The following ELP3 variants were observed in gnomAD, a reference collection of about 807,000 sequenced individuals.
ELP3 encodes elongator complex protein 3.
ELP3 carries 56 observed loss-of-function variants against 74.9 expected under a neutral mutation model. That is an observed-to-expected ratio of 0.75 (90% CI 0.60 to 0.93). ELP3 has a LOEUF of 0.93. Ranked by LOEUF, ELP3 falls within the 40% of genes least tolerant of loss-of-function variation. The pLI is 0.00. For missense variants in ELP3, 573 were observed against 686.5 expected (o/e 0.83, Z 1.85); for synonymous variants, 222 against 239.8 (o/e 0.93, Z 0.68).
At chr8:28,104,725 C>G (rs1452956121) in intron 3 of ELP3, among the ~76,000 whole-genome samples, 2 of 152,212 alleles carry the variant, frequency 1.3e-5, no homozygotes, top group Non-Finnish European at 2.9e-5. Flanking sequence ...CATCTCCCAT[C>G]CAGTGGTGCG....
upstream of ELP3, chr8:28,090,516 T>TGTGTGC (rs71222534): frequency 5.3e-6 from 1 of 190,096 alleles, no homozygotes; most frequent in East Asian, 1.5e-4. Context: ...TGTGTGTGTG[T>TGTGTGC]ATACACATAT....
chr8:28,099,272 T>G (rs1400644265), intron 2 of ELP3, among the ~76,000 whole-genome samples: 1 of 148,908 alleles, frequency 6.7e-6, no homozygotes, highest in Non-Finnish European at 1.5e-5. Flanking sequence ...CCATCCTTGA[T>G]TTTTTTTTTA....
At chr8:28,129,730 C>T in intron 8 of ELP3, 67 bp downstream of exon 8, 2 of 1,577,798 alleles carry the variant, frequency 1.3e-6, no homozygotes, top group South Asian at 1.1e-5. Context: ...TACATTCATA[C>T]CCAGCCTTTC....
Position 28,118,213 on chromosome 8 carries a change from A to G in ELP3, c.617+5040A>G, listed in dbSNP as rs545851035. Among the ~76,000 whole-genome samples the G allele has an allele frequency of 3.3e-5, 5 of 152,316 alleles. No individual in the cohort carries two copies. The South Asian group carries it at 1.0e-3, about 32-fold the overall frequency. ...ATGTATTGTGACCTATGAGTCAGCA[A>G]GCAGCATTTAAGGTTAATAGTCTGT... is the stretch of plus-strand genomic sequence containing the variant. On this transcript the variant is annotated intron_variant, in intron 7 of 14. Transcript: ENST00000256398.
At chr8:28,186,385 G>A (rs1452324024) in intron 14 of ELP3, among the ~76,000 whole-genome samples, 1 of 152,182 alleles carries the variant, frequency 6.6e-6, no homozygotes, top group Admixed American at 6.5e-5. Context: ...GAGAAGCTTT[G>A]GGACTGATTA....
At chr8:28,143,670 T>C (rs949529819) in intron 10 of ELP3, among the ~76,000 whole-genome samples, 2 of 152,208 alleles carry the variant, frequency 1.3e-5, no homozygotes, top group African/African-American at 4.8e-5. Context: ...CTTCCAGGTT[T>C]CTTTGCTTTC....
rs1427366610 is a variant in ELP3 at position 28,160,298 on chromosome 8, G to A, written c.1327G>A (p.Asp443Asn). The change falls in exon 13 of 15, where the codon GAT becomes AAT. Residue 443 changes from aspartate to asparagine, a missense_variant. Coordinates refer to ENST00000256398, the MANE Select transcript of ELP3 (RefSeq NM_018091.6). ...WETFLSYEDPDQDILIGLLRL... is the reference protein window; with the variant it reads ...WETFLSYEDPNQDILIGLLRL... Reference sequence around the variant, plus strand: ...AACATTCTTGTCATACGAAGACCCAGATCAAGACATTTTGATTGGCCTCCT... The same window carrying A: ...AACATTCTTGTCATACGAAGACCCAAATCAAGACATTTTGATTGGCCTCCT... The A allele has an allele frequency of 1.2e-6, 2 of 1,614,168 alleles. No individual in the cohort carries two copies. The highest frequency in any genetic ancestry group is 1.3e-5 in the African/African-American group (1 of 75,042).
chr8:28,107,196 C>T (rs1038815044), intron 4 of ELP3, among the ~76,000 whole-genome samples: 5 of 152,052 alleles, frequency 3.3e-5, no homozygotes, highest in Non-Finnish European at 7.4e-5. Flanking sequence ...TGCAGTGAGC[C>T]GAGATCACGC....
At chr8:28,094,653 A>G (rs1811183002) in intron 1 of ELP3, among the ~76,000 whole-genome samples, 1 of 151,328 alleles carries the variant, frequency 6.6e-6, no homozygotes, top group South Asian at 2.1e-4. Context: ...GAGGCGGGAG[A>G]ATCACTTGAA....
chr8:28,096,284 G>A (rs1271808714), intron 1 of ELP3, among the ~76,000 whole-genome samples: 1 of 152,204 alleles, frequency 6.6e-6, no homozygotes, highest in Admixed American at 6.5e-5. Flanking sequence ...ATATAACAAT[G>A]CAGTAATAAA....
intron 3 of ELP3, among the ~76,000 whole-genome samples, chr8:28,106,094 T>G (rs990641179): frequency 6.6e-6 from 1 of 152,344 alleles, no homozygotes; most frequent in Middle Eastern, 3.4e-3. Context: ...AGAGAAAGAC[T>G]AAGAATCACT....
At position 28,161,224 on chromosome 8, in the gene ELP3, A is replaced by T. The variant is rs562209312; in HGVS notation, c.1485+768A>T. ...GTGTTAAAACCTAATGGCGGATATG[A>T]TATACGAGCCAAAATTGATTATTTA... is the stretch of plus-strand genomic sequence containing the variant. On this transcript the variant is annotated intron_variant, in intron 13 of 14. Transcript: ENST00000256398. Among the ~76,000 whole-genome samples, 163 of 152,296 alleles carry T rather than the reference A, an allele frequency of 1.1e-3. 2 individuals are homozygous for T. Among genetic ancestry groups the T allele is most frequent in the African/African-American group, 3.7e-3 (154 of 41,552 alleles).
intron 3 of ELP3, 75 bp from the exon 4 acceptor site, chr8:28,106,638 C>A (rs1290905708): frequency 3.5e-5 from 44 of 1,257,876 alleles, no homozygotes; most frequent in Non-Finnish European, 4.3e-5. Context: ...CTCCTTCCTT[C>A]CGAGGGATAA....
intron 7 of ELP3, among the ~76,000 whole-genome samples, chr8:28,123,870 A>G (rs1812470540): frequency 6.6e-6 from 1 of 151,000 alleles, no homozygotes; most frequent in Non-Finnish European, 1.5e-5. Flanking sequence ...CCTTTTCCAT[A>G]CATTTGCTTT....
chr8:28,184,817 G>A (rs1477819935), intron 14 of ELP3, among the ~76,000 whole-genome samples: 6 of 152,308 alleles, frequency 3.9e-5, no homozygotes, highest in African/African-American at 1.4e-4. Context: ...GAGCTGAGCA[G>A]AACCAAAAGG....
intron 14 of ELP3, among the ~76,000 whole-genome samples, chr8:28,178,966 G>A (rs1296709131): frequency 1.3e-5 from 2 of 152,308 alleles, no homozygotes; most frequent in South Asian, 2.1e-4. Flanking sequence ...TCATTATTAT[G>A]TACAGTTAGT....
rs1231762739 is a variant in ELP3, at chr8:28,129,348, G to C, written c.618-154G>C. On this transcript the variant is annotated intron_variant, in intron 7 of 14. Transcript: ENST00000256398. ...TCCCCATGTGCATAGTTAGGAAGTA[G>C]CAGAGCCAGGATTTGAACTCAGGCA... 7.1e-5 allele frequency: 48 copies of C among 676,162 alleles called. 1 individual carries two copies. In the South Asian group the frequency reaches 9.0e-4, roughly 13 times the overall value. 41.9% of individuals were successfully genotyped at this position (676,162 alleles called of 1,614,324 possible).
rs1457445425 is a variant in ELP3, at chr8:28,189,747, C to T, written c.*22C>T. 2 of 1,605,868 alleles carry T rather than the reference C, an allele frequency of 1.2e-6. No individual in the cohort carries two copies. The highest frequency in any genetic ancestry group is 1.3e-5 in the African/African-American group (1 of 74,786). On this transcript the variant is annotated 3_prime_UTR_variant, in exon 15 of 15. Transcript: ENST00000256398. ...ATAATGGCCACACCAGTCCACTCTT[C>T]TGCAGTATCCTCCCTGGCAGAACAC...
chr8:28,106,635 C>A (rs1482749791), intron 3 of ELP3, 78 bp from the exon 4 acceptor site: 3 of 1,215,114 alleles, frequency 2.5e-6, no homozygotes, highest in Admixed American at 1.8e-5. Context: ...CCTCTCCTTC[C>A]TTCCGAGGGA....
Sources: allele counts gnomAD v4.1 joint callset (sites outside exome capture counted in the v4.1 genomes callset), GRCh38; gene constraint gnomAD v4.1.1; transcripts MANE v1.5; gene names NCBI Gene and HGNC (gene_info 2026-07-23, HGNC 2026-07-21).